GALNT17: variants seen among roughly 807,000 people sequenced by gnomAD.
GALNT17 encodes polypeptide N-acetylgalactosaminyltransferase 17.
GALNT17 carries 29 observed loss-of-function variants against 63.7 expected under a neutral mutation model. The ratio of observed to expected loss-of-function variants is 0.46; its 90% confidence interval spans 0.34 to 0.62. The LOEUF (loss-of-function observed/expected upper bound fraction) is 0.62, where lower values mean the gene tolerates loss of function less well. GALNT17 is among the 20% of genes least tolerant of loss of function. The pLI, the probability that GALNT17 is intolerant of heterozygous loss-of-function variation, is 0.01. For synonymous variants in GALNT17, 305 were observed against 318.3 expected (o/e 0.96, Z 0.45); for missense variants, 603 against 799.6 (o/e 0.75, Z 2.97).
At chr7:71,390,332 G>T (rs1306397581) in intron 3 of GALNT17, among the ~76,000 whole-genome samples, 1 of 152,070 alleles carries the variant, frequency 6.6e-6, no homozygotes, top group Non-Finnish European at 1.5e-5. Flanking sequence ...GATATCCCTG[G>T]CCCCTTCTGA....
At chr7:71,253,102 C>G (rs1225332676) in intron 1 of GALNT17, among the ~76,000 whole-genome samples, 1 of 152,150 alleles carries the variant, frequency 6.6e-6, no homozygotes, top group South Asian at 2.1e-4. Flanking sequence ...ATTCAGTGAC[C>G]ACTGATCAAA....
rs536069368 is a variant in GALNT17, at chr7:71,405,907, G to A, written c.590-9982G>A. Among the ~76,000 whole-genome samples the A allele has an allele frequency of 1.3e-3, 201 of 152,292 alleles. 1 individual carries two copies. The highest frequency in any genetic ancestry group is 4.5e-3 in the African/African-American group (188 of 41,570). On this transcript the variant is annotated intron_variant, in intron 3 of 10. Transcript: ENST00000333538. The stretch of plus-strand genomic sequence containing the variant: ...CACATAGCACACGCTCTGTGCTTCC[G>A]TTTTCTCATCTGTAAAATGGGGTCG...
chr7:71,336,983 A>C (rs531494190), intron 2 of GALNT17, among the ~76,000 whole-genome samples: 1 of 151,926 alleles, frequency 6.6e-6, no homozygotes, highest in Admixed American at 6.6e-5. Flanking sequence ...TTTCTTCACA[A>C]CCTCTCCAGC....
chr7:71,140,334 G>A (rs899923940), intron 1 of GALNT17, among the ~76,000 whole-genome samples: 1 of 152,158 alleles, frequency 6.6e-6, no homozygotes, highest in Admixed American at 6.5e-5. Context: ...GGGTGCTGGA[G>A]GACACCCACT....
At chr7:71,168,571 C>CA (rs890363111) in intron 1 of GALNT17, among the ~76,000 whole-genome samples, 35 of 145,312 alleles carry the variant, frequency 2.4e-4, no homozygotes, top group Admixed American at 5.5e-4. Flanking sequence ...GACTCTATAT[C>CA]AAAAAAAAAA....
intron 6 of GALNT17, among the ~76,000 whole-genome samples, chr7:71,592,372 G>GAC (rs1562703135): frequency 6.6e-6 from 1 of 152,016 alleles, no homozygotes; most frequent in Non-Finnish European, 1.5e-5. Flanking sequence ...GCAAGTGCCT[G>GAC]TAATCCCAGC....
chr7:71,677,852 C>G (rs1248100855), intron 9 of GALNT17, among the ~76,000 whole-genome samples: 2 of 152,218 alleles, frequency 1.3e-5, no homozygotes, highest in East Asian at 3.9e-4. Context: ...AGTGGTTTTG[C>G]ATTCCCCCGA....
At chr7:71,268,351 G>C (rs1790527688) in intron 1 of GALNT17, among the ~76,000 whole-genome samples, 1 of 150,618 alleles carries the variant, frequency 6.6e-6, no homozygotes, top group Admixed American at 6.7e-5. Context: ...AGAACAGCCT[G>C]GGCAACATGG....
At chr7:71,644,315 T>C (rs1411482412) in intron 6 of GALNT17, among the ~76,000 whole-genome samples, 1 of 151,132 alleles carries the variant, frequency 6.6e-6, no homozygotes, top group South Asian at 2.1e-4. Flanking sequence ...GGTGAGCGGA[T>C]CACAAGGTCA....
intron 6 of GALNT17, among the ~76,000 whole-genome samples, chr7:71,623,123 T>A (rs961815319): frequency 6.6e-6 from 1 of 152,136 alleles, no homozygotes; most frequent in African/African-American, 2.4e-5. Context: ...AGAGAGGATA[T>A]CATATTCTCT....
At chr7:71,662,093 G>A (rs1227610666) in intron 6 of GALNT17, among the ~76,000 whole-genome samples, 1 of 152,138 alleles carries the variant, frequency 6.6e-6, no homozygotes, top group Admixed American at 6.5e-5. Flanking sequence ...GGTCTGGATG[G>A]CTTGTGGAGG....
chr7:71,473,723 C>T (rs1239596785), intron 5 of GALNT17, among the ~76,000 whole-genome samples: 2 of 152,042 alleles, frequency 1.3e-5, no homozygotes, highest in African/African-American at 4.8e-5. Flanking sequence ...AGTGGGGTGG[C>T]CTAGGCTTTT....
chr7:71,519,592 T>C (rs191721584), intron 5 of GALNT17, among the ~76,000 whole-genome samples: 2 of 152,192 alleles, frequency 1.3e-5, no homozygotes, highest in Admixed American at 6.5e-5. Context: ...CCCTCCCGAG[T>C]AGCTGAGACT....
intron 1 of GALNT17, among the ~76,000 whole-genome samples, chr7:71,247,826 T>C (rs559069686): frequency 2.0e-5 from 3 of 152,332 alleles, no homozygotes; most frequent in African/African-American, 7.2e-5. Context: ...ATGTATGTCA[T>C]ATGTATTGTA....
intron 6 of GALNT17, among the ~76,000 whole-genome samples, chr7:71,626,949 G>A (rs192646755): frequency 5.3e-5 from 8 of 152,298 alleles, no homozygotes; most frequent in African/African-American, 9.6e-5. Context: ...AGGAACCTCA[G>A]GCCTTTCTGC....
At chr7:71,511,887 A>T (rs1214467916) in intron 5 of GALNT17, among the ~76,000 whole-genome samples, 1 of 152,096 alleles carries the variant, frequency 6.6e-6, no homozygotes. Context: ...TCTGGTAGTC[A>T]CTGCCATGTA....
intron 1 of GALNT17, among the ~76,000 whole-genome samples, chr7:71,272,446 A>T (rs1250940952): frequency 1.3e-5 from 2 of 152,204 alleles, no homozygotes; most frequent in Non-Finnish European, 2.9e-5. Context: ...TCTCACAGCT[A>T]TGTATCAGGC....
At chr7:71,509,170 T>G (rs1788313528) in intron 5 of GALNT17, among the ~76,000 whole-genome samples, 2 of 152,224 alleles carry the variant, frequency 1.3e-5, no homozygotes, top group Admixed American at 6.5e-5. Context: ...CAATACAGTA[T>G]TCAATAAATT....
chr7:71,503,877 C>T (rs576284964), intron 5 of GALNT17, among the ~76,000 whole-genome samples: 34 of 151,870 alleles, frequency 2.2e-4, no homozygotes, highest in Admixed American at 1.1e-3. Flanking sequence ...GGGCAGATCA[C>T]GAGGTCAGGA....
Sources: gnomAD v4.1 joint callset for allele counts (sites outside exome capture counted in the v4.1 genomes callset) on GRCh38, gnomAD v4.1.1 for gene constraint, MANE v1.5 for transcripts, NCBI Gene and HGNC (gene_info 2026-07-23, HGNC 2026-07-21) for gene names.